RNF214: variants seen among roughly 807,000 people sequenced by gnomAD.
The protein encoded by RNF214 is ring finger protein 214.
Under a neutral mutation model 75.9 loss-of-function variants are expected in RNF214, and 25 were observed. The observed-to-expected ratio is 0.33, with a 90% CI of 0.24 to 0.46. RNF214 has a LOEUF of 0.46. Ranked by LOEUF, RNF214 falls within the 20% of genes least tolerant of loss-of-function variation. The probability of loss-of-function intolerance (pLI) is 1.00; values close to 1 mark genes in which losing one functional copy is unlikely to be tolerated. For missense variants in RNF214, 725 were observed against 857.5 expected (o/e 0.85, Z 1.93); for synonymous variants, 314 against 308.8 (o/e 1.02, Z -0.18).
intron 2 of RNF214, among the ~76,000 whole-genome samples, chr11:117,236,706 C>T (rs560778983): frequency 2.2e-4 from 33 of 152,274 alleles, no homozygotes; most frequent in Middle Eastern, 3.4e-3. Context: ...TCGCATTTAC[C>T]GGTGAGGAAA....
chr11:117,250,421 A>G, intron 6 of RNF214, among the ~76,000 whole-genome samples: 1 of 152,190 alleles, frequency 6.6e-6, no homozygotes, highest in South Asian at 2.1e-4. Context: ...AGAAATTAAA[A>G]AAATATTTTA....
chr11:117,251,325 G>A (rs1591824463), intron 6 of RNF214, among the ~76,000 whole-genome samples: 7 of 118,096 alleles, frequency 5.9e-5, no homozygotes, highest in African/African-American at 2.0e-4. Flanking sequence ...CAGTAGGGGC[G>A]GCCGGGCAGA....
At position 117,238,995 on chromosome 11, in the gene RNF214, A is replaced by G; in HGVS notation, c.502A>G (p.Ser168Gly). 1.2e-6 allele frequency: 2 copies of G among 1,614,182 alleles called. No homozygotes were observed. Among genetic ancestry groups the G allele is most frequent in the Non-Finnish European group, 1.7e-6 (2 of 1,180,024 alleles). ...SILKEGNRDT[S>G]LDFRPVVSPA... ...CCTAAAGGAAGGTAACAGGGACACAAGCTTGGATTTCCGACCTGTAGTGTC... is the reference window on the plus strand; with the variant it reads ...CCTAAAGGAAGGTAACAGGGACACAGGCTTGGATTTCCGACCTGTAGTGTC... Residue 168 changes from serine to glycine, a missense_variant, in exon 3 of 15, where the codon AGC (serine) becomes GGC (glycine). Ser to Gly is a moderately conservative substitution (Grantham distance 56). Transcript: ENST00000300650.
At chr11:117,268,004 A>G (rs1201743933) in intron 6 of RNF214, among the ~76,000 whole-genome samples, 2 of 152,232 alleles carry the variant, frequency 1.3e-5, no homozygotes, top group South Asian at 2.1e-4. Flanking sequence ...TATTGCAAAG[A>G]CTGATAGAAT....
intron 6 of RNF214, among the ~76,000 whole-genome samples, chr11:117,262,707 TTG>T (rs57686552): frequency 6.3e-4 from 93 of 147,606 alleles, no homozygotes; most frequent in African/African-American, 9.0e-4. Context: ...TTGAGGAACG[TTG>T]TGTGTGTGTG....
In RNF214 at chr11:117,285,260, A is replaced by G; in HGVS notation, c.*109A>G. 1.4e-6 allele frequency: 1 copy of G among 730,974 alleles called. No individual in the cohort carries two copies. The allele number at this position is 730,974 out of a possible 1,614,324, so 45.3% of individuals were successfully genotyped here. A position where few individuals can be genotyped will look rare whatever the true frequency, so the allele number is the denominator to read the frequency against. On this transcript the variant is annotated 3_prime_UTR_variant, in exon 15 of 15. Transcript: ENST00000300650. ...ACAGTGACATATACTCATGCCATGT[A>G]CATTTTTATTATATAGGTAATGTGT...
In RNF214 at chr11:117,282,171, G is replaced by C. The variant is rs911884747; in HGVS notation, c.1613G>C (p.Gly538Ala). The C allele has an allele frequency of 6.2e-7, 1 of 1,614,016 alleles. No individual in the cohort carries two copies. The highest frequency in any genetic ancestry group is 1.3e-5 in the African/African-American group (1 of 75,004). Residue 538 changes from glycine to alanine, a missense_variant, in exon 11 of 15, where the codon GGC becomes GCC. Around this residue, in one of 2 missense-constraint regions of RNF214, gnomAD observed 363 missense variants for 513.0 expected, o/e 0.71. Transcript: ENST00000300650. ...TCCATCCCACCTCCCCCAGGCTTGG[G>C]CGGTGTTAAGGCTTCTGCTGAAACT... ...AASIPPPPGL[G>A]GVKASAETPR...
Position 117,239,270 on chromosome 11 carries a change from A to G in RNF214, c.618+159A>G, listed in dbSNP as rs571365214. On this transcript the variant is annotated intron_variant, in intron 3 of 14. Transcript: ENST00000300650. ...TACTACTCTCATACAGTGCCATACA[A>G]TGACTTCATTCTGATGTTCAGTAAA... 34 of 662,822 alleles carry G rather than the reference A, an allele frequency of 5.1e-5. No homozygotes were observed. The African/African-American group carries it at 5.8e-4, about 11-fold the overall frequency. 41.1% of individuals were successfully genotyped at this position (662,822 alleles called of 1,614,324 possible).
chr11:117,267,887 T>A (rs1478827672), intron 6 of RNF214, among the ~76,000 whole-genome samples: 1 of 152,080 alleles, frequency 6.6e-6, no homozygotes, highest in East Asian at 1.9e-4. Flanking sequence ...AATGAAAATC[T>A]TCTTGCATCC....
At position 117,262,596 on chromosome 11, in the gene RNF214, G is replaced by T. The variant is rs540292183; in HGVS notation, c.959+15648G>T. 8.6e-5 allele frequency among the ~76,000 whole-genome samples: 13 copies of T among 151,648 alleles called. No homozygotes were observed. In the South Asian group the frequency reaches 2.7e-3, roughly 32 times the overall value. Reference sequence around the variant, plus strand: ...AGGGTCTCGCTATATTGTCTAGGTTGATCTTGAACTCCTGGCCGCAAGTGA... The same window carrying T: ...AGGGTCTCGCTATATTGTCTAGGTTTATCTTGAACTCCTGGCCGCAAGTGA... On this transcript the variant is annotated intron_variant, in intron 6 of 14. Transcript: ENST00000300650.
intron 6 of RNF214, among the ~76,000 whole-genome samples, chr11:117,269,518 A>G (rs1469548764): frequency 6.6e-6 from 1 of 152,124 alleles, no homozygotes; most frequent in African/African-American, 2.4e-5. Flanking sequence ...GTGTGCCACC[A>G]TGCCCTGCTA....
intron 2 of RNF214, 37 bp from the exon 3 acceptor site, chr11:117,238,564 A>G (rs1464361322): frequency 6.4e-7 from 1 of 1,555,762 alleles, no homozygotes; most frequent in Non-Finnish European, 8.7e-7. Context: ...GGTTGAAAGT[A>G]TTATATACTT....
rs763607630 is a variant in RNF214, at chr11:117,238,880, T to A, written c.387T>A (p.His129Gln). The A allele has an allele frequency of 6.2e-7, 1 of 1,614,188 alleles. No individual in the cohort carries two copies. Among genetic ancestry groups the A allele is most frequent in the South Asian group, 1.1e-5 (1 of 91,088 alleles). Residue 129 changes from histidine to glutamine, a missense_variant, in exon 3 of 15, where the codon CAT (histidine) becomes CAA (glutamine). By Grantham distance (24) the His-to-Gln change is conservative. This residue lies in a region of RNF214 where 362 missense variants were observed against 344.5 expected (regional missense o/e 1.05). Transcript: ENST00000300650. ...EGDTSLRESL[H>Q]PVTRSLKAGC... The stretch of plus-strand genomic sequence containing the variant: ...ACACAAGCCTTCGGGAGAGCCTCCA[T>A]CCAGTCACTCGGTCTCTTAAGGCAG...
intron 13 of RNF214, 116 bp downstream of exon 13, chr11:117,282,966 G>A (rs541639504): frequency 1.0e-6 from 1 of 1,002,560 alleles, no homozygotes; most frequent in African/African-American, 1.6e-5. Context: ...CAGCCCTACT[G>A]GGAAAATGCA....
intron 6 of RNF214, among the ~76,000 whole-genome samples, chr11:117,268,717 T>C (rs964736907): frequency 2.0e-4 from 30 of 152,240 alleles, no homozygotes; most frequent in African/African-American, 7.0e-4. Context: ...TATCAGCTTT[T>C]ACAAACAGCT....
At chr11:117,239,222 G>A (rs756437764) in intron 3 of RNF214, 111 bp downstream of exon 3, 5 of 1,157,308 alleles carry the variant, frequency 4.3e-6, no homozygotes, top group Non-Finnish European at 6.1e-6. Context: ...TTTGTTTTTT[G>A]TTTTTTTTGC....
At chr11:117,248,099 G>A (rs899605972) in intron 6 of RNF214, among the ~76,000 whole-genome samples, 1 of 151,648 alleles carries the variant, frequency 6.6e-6, no homozygotes, top group East Asian at 1.9e-4. Context: ...TTTTTGAGAC[G>A]GAGTCTTGCT....
intron 6 of RNF214, among the ~76,000 whole-genome samples, chr11:117,267,762 A>C (rs909012864): frequency 6.6e-6 from 1 of 151,966 alleles, no homozygotes; most frequent in South Asian, 2.1e-4. Flanking sequence ...TTGGTTATAA[A>C]TATACATACA....
intron 2 of RNF214, among the ~76,000 whole-genome samples, chr11:117,235,657 G>A (rs2032887390): frequency 6.6e-6 from 1 of 151,698 alleles, no homozygotes; most frequent in African/African-American, 2.4e-5. Flanking sequence ...CAGCCGCCCA[G>A]CACCACGCCT....
Sources: allele counts gnomAD v4.1 joint callset (sites outside exome capture counted in the v4.1 genomes callset), GRCh38; gene constraint gnomAD v4.1.1; regional missense constraint gnomAD v4.1.1; transcripts MANE v1.5; gene names NCBI Gene and HGNC (gene_info 2026-07-23, HGNC 2026-07-21).